Variants in PTPN11 observed in about 807,000 individuals in gnomAD.
The protein encoded by PTPN11 is protein tyrosine phosphatase non-receptor type 11.
In PTPN11, 6 loss-of-function variants were observed where a neutral mutation model predicts 78.8. The ratio of observed to expected loss-of-function variants is 0.08; its 90% CI spans 0.04 to 0.15. The LOEUF is 0.15. PTPN11 is among the 10% of genes least tolerant of loss of function. The pLI is 1.00. For missense variants in PTPN11, 386 were observed against 744.8 expected (o/e 0.52, Z 5.61); for synonymous variants, 221 against 263.5 (o/e 0.84, Z 1.56).
At chr12:112,432,757 A>G (rs2037732270) in intron 1 of PTPN11, among the ~76,000 whole-genome samples, 1 of 152,080 alleles carries the variant, frequency 6.6e-6, no homozygotes, top group Admixed American at 6.6e-5. Context: ...AGGCAGGAGA[A>G]TCATTTGAAC....
intron 1 of PTPN11, among the ~76,000 whole-genome samples, chr12:112,430,818 T>C (rs1277523562): frequency 6.6e-6 from 1 of 152,108 alleles, no homozygotes; most frequent in East Asian, 1.9e-4. Flanking sequence ...ATTTGGTGTT[T>C]CCAAATGCAC....
chr12:112,443,981 G>A (rs898490805), intron 1 of PTPN11, among the ~76,000 whole-genome samples: 2 of 151,774 alleles, frequency 1.3e-5, no homozygotes, highest in Non-Finnish European at 1.5e-5. Context: ...TGTAGAGATG[G>A]GGTTTCACTA....
intron 5 of PTPN11, among the ~76,000 whole-genome samples, chr12:112,455,511 A>G (rs1368553566): frequency 6.6e-6 from 1 of 152,172 alleles, no homozygotes; most frequent in Non-Finnish European, 1.5e-5. Context: ...CTGGGATTAT[A>G]GGCATGAGCC....
intron 10 of PTPN11, among the ~76,000 whole-genome samples, chr12:112,483,664 G>A (rs1366740087): frequency 6.6e-6 from 1 of 152,170 alleles, no homozygotes; most frequent in Non-Finnish European, 1.5e-5. Flanking sequence ...TAGGGATTAG[G>A]ACCAATTTGG....
rs2038126694 is a variant in PTPN11, at chr12:112,454,642, A to T, written c.604A>T (p.Met202Leu). ...DLVEHYKKNP[M>L]VETLGTVLQL... The stretch of plus-strand genomic sequence containing the variant: ...TGTGGAACATTATAAGAAGAATCCT[A>T]TGGTGGAAACATTGGGTACAGTACT... The change falls in exon 5 of 16, where the codon ATG becomes TTG. Residue 202 changes from methionine (M) to leucine (L), a missense_variant. Met to Leu is a conservative substitution (Grantham distance 15). Around this residue, in one of 3 missense-constraint regions of PTPN11, gnomAD observed 279 missense variants for 503.3 expected, o/e 0.55. Transcript: ENST00000351677. 6.2e-7 allele frequency: 1 copy of T among 1,613,792 alleles called. No individual in the cohort carries two copies. Among genetic ancestry groups the T allele is most frequent in the Non-Finnish European group, 8.5e-7 (1 of 1,179,748 alleles).
chr12:112,478,844 T>C (rs1213777374), intron 9 of PTPN11, among the ~76,000 whole-genome samples: 1 of 152,178 alleles, frequency 6.6e-6, no homozygotes, highest in African/African-American at 2.4e-5. Flanking sequence ...ATGATTCTCA[T>C]GCCTCAGCCT....
chr12:112,477,209 GT>G (rs1321690542), intron 7 of PTPN11, among the ~76,000 whole-genome samples: 2 of 152,080 alleles, frequency 1.3e-5, no homozygotes, highest in African/African-American at 4.8e-5. Flanking sequence ...TAGAGACAGG[GT>G]TTTGTCATGT....
chr12:112,432,584 G>A (rs989765679), intron 1 of PTPN11, among the ~76,000 whole-genome samples: 3 of 149,132 alleles, frequency 2.0e-5, no homozygotes, highest in South Asian at 2.1e-4. Flanking sequence ...CAGGAGAATC[G>A]CTTGAACCCG....
chr12:112,485,577 C>T (rs898968084), intron 10 of PTPN11, among the ~76,000 whole-genome samples: 46 of 152,242 alleles, frequency 3.0e-4, no homozygotes, highest in African/African-American at 1.0e-3. Context: ...TTTAGAGATA[C>T]CCAAGGGCCA....
chr12:112,469,013 A>G (rs1433731147), intron 6 of PTPN11, among the ~76,000 whole-genome samples: 3 of 152,104 alleles, frequency 2.0e-5, no homozygotes, highest in East Asian at 1.9e-4. Flanking sequence ...ACAGTGAGCT[A>G]TGATCATACC....
In PTPN11 at chr12:112,472,946, A is replaced by G. The variant is rs2038441751; in HGVS notation, c.759A>G (p.Thr253=). The G allele has an allele frequency of 1.2e-6, 2 of 1,609,714 alleles. No individual in the cohort carries two copies. The highest frequency in any genetic ancestry group is 1.7e-6 in the Non-Finnish European group (2 of 1,176,156). ...VKQGFWEEFE[T]LQQQECKLLY... ...TATTGACTTTTCTTTCTTTCCAGAC[A>G]CTACAACAACAGGAGTGCAAACTTC... The change falls in exon 7 of 16, where the codon ACA becomes ACG. Residue 253 remains threonine (T), a splice_region_variant and synonymous_variant. Transcript: ENST00000351677.
intron 6 of PTPN11, among the ~76,000 whole-genome samples, chr12:112,468,657 G>T (rs912418936): frequency 2.0e-5 from 3 of 152,296 alleles, no homozygotes. Context: ...TGGGATGCAG[G>T]GGTGCCTCTC....
At chr12:112,462,929 A>G (rs1202472481) in intron 6 of PTPN11, among the ~76,000 whole-genome samples, 7 of 152,146 alleles carry the variant, frequency 4.6e-5, no homozygotes, top group African/African-American at 1.4e-4. Flanking sequence ...TAATATTAAC[A>G]TTTTTTATGT....
intron 13 of PTPN11, among the ~76,000 whole-genome samples, chr12:112,493,259 A>G (rs1193916425): frequency 2.6e-5 from 4 of 151,854 alleles, no homozygotes; most frequent in Non-Finnish European, 4.4e-5. Context: ...GGGTTTCACT[A>G]CGTTGGCCAG....
At position 112,450,504 on chromosome 12, in the gene PTPN11, C is replaced by A. The variant is rs1352499844; in HGVS notation, c.324C>A (p.Thr108=). The A allele has an allele frequency of 6.2e-7, 1 of 1,613,764 alleles. No individual in the cohort carries two copies. The highest frequency in any genetic ancestry group is 1.7e-5 in the Admixed American group (1 of 59,982). The change falls in exon 3 of 16, where the codon ACC becomes ACA. Residue 108 remains threonine, a synonymous_variant. Transcript: ENST00000351677. ...LKYPLNCADP[T]SERWFHGHLS... ...ATCCTCTGAACTGTGCAGATCCTAC[C>A]TCTGAAAGGTCAGTAACATTTTAGT...
chr12:112,428,356 T>C (rs956899097), intron 1 of PTPN11, among the ~76,000 whole-genome samples: 3 of 151,816 alleles, frequency 2.0e-5, no homozygotes, highest in African/African-American at 7.3e-5. Context: ...TGTGTCAAAT[T>C]ATGCTAGGTG....
chr12:112,491,706 C>CT (rs1270370792), intron 13 of PTPN11, among the ~76,000 whole-genome samples: 1 of 152,110 alleles, frequency 6.6e-6, no homozygotes, highest in East Asian at 1.9e-4. Flanking sequence ...TATAATGTAT[C>CT]TTTTTTCTCT....
intron 11 of PTPN11, 198 bp downstream of exon 11, chr12:112,486,827 C>T (rs2038685441): frequency 1.4e-6 from 2 of 1,443,694 alleles, no homozygotes; most frequent in East Asian, 5.0e-5. Flanking sequence ...TGCCATTGGC[C>T]ATGGCCATGG....
intron 13 of PTPN11, among the ~76,000 whole-genome samples, chr12:112,497,032 C>A (rs1010659204): frequency 6.6e-6 from 1 of 151,892 alleles, no homozygotes; most frequent in Non-Finnish European, 1.5e-5. Flanking sequence ...ATTAGCCAGG[C>A]GTAGTGGTGT....
Sources: gnomAD v4.1 joint callset for allele counts (sites outside exome capture counted in the v4.1 genomes callset) on GRCh38, gnomAD v4.1.1 for gene constraint, gnomAD v4.1.1 regional missense constraint, MANE v1.5 for transcripts, NCBI Gene and HGNC (gene_info 2026-07-23, HGNC 2026-07-21) for gene names.